Variants in THSD4 observed in about 807,000 individuals in gnomAD.
THSD4 encodes the protein thrombospondin type-1 domain-containing protein 4.
In THSD4, 69 loss-of-function variants were observed where a neutral mutation model predicts 119.0. That is an observed-to-expected ratio of 0.58 (90% confidence interval 0.48 to 0.71). The LOEUF (loss-of-function observed/expected upper bound fraction) is 0.71. Ranked by LOEUF, THSD4 falls within the 30% of genes least tolerant of loss-of-function variation. The pLI is 0.00. For synonymous variants in THSD4, 524 were observed against 540.4 expected (o/e 0.97, Z 0.42); for missense variants, 1,393 against 1,391.1 (o/e 1.00, Z -0.02).
At chr15:71,456,091 G>A (rs928869637) in intron 7 of THSD4, among the ~76,000 whole-genome samples, 5 of 152,190 alleles carry the variant, frequency 3.3e-5, no homozygotes, top group Admixed American at 1.3e-4. Flanking sequence ...TTATTTTGCG[G>A]TGTTTGCTTT....
chr15:71,504,429 G>A (rs1426630291), intron 7 of THSD4, among the ~76,000 whole-genome samples: 1 of 152,172 alleles, frequency 6.6e-6, no homozygotes, highest in African/African-American at 2.4e-5. Flanking sequence ...GAAGTCAGGT[G>A]ACCTTAGAAG....
At chr15:71,142,262 C>T (rs2040612017) in intron 2 of THSD4, among the ~76,000 whole-genome samples, 1 of 152,060 alleles carries the variant, frequency 6.6e-6, no homozygotes, top group Non-Finnish European at 1.5e-5. Context: ...ACTATTATCC[C>T]TTTTGTGTAG....
At chr15:71,340,861 A>G (rs1220109468) in intron 6 of THSD4, among the ~76,000 whole-genome samples, 1 of 151,958 alleles carries the variant, frequency 6.6e-6, no homozygotes, top group Admixed American at 6.6e-5. Context: ...CTGCCTCCCA[A>G]AGTCCTAGGA....
intron 3 of THSD4, among the ~76,000 whole-genome samples, chr15:71,166,126 T>C (rs538753136): frequency 6.6e-6 from 1 of 152,174 alleles, no homozygotes; most frequent in African/African-American, 2.4e-5. Context: ...TTCACAGGGT[T>C]TCCCCACTGT....
intron 3 of THSD4, among the ~76,000 whole-genome samples, chr15:71,171,174 C>T (rs1251447076): frequency 6.6e-6 from 1 of 151,106 alleles, no homozygotes; most frequent in African/African-American, 2.4e-5. Flanking sequence ...ACTATGAATC[C>T]AAGAATGTCA....
At chr15:71,110,002 G>A (rs992117964) in intron 1 of THSD4, among the ~76,000 whole-genome samples, 4 of 152,190 alleles carry the variant, frequency 2.6e-5, no homozygotes, top group Non-Finnish European at 4.4e-5. Flanking sequence ...CAAGAAAGCC[G>A]GTTTGCTGAA....
rs114864457 is a variant in THSD4, at chr15:71,479,264, G to A, written c.1152+67441G>A. Among the ~76,000 whole-genome samples, 292 of 137,224 alleles carry A rather than the reference G, an allele frequency of 2.1e-3. 2 individuals carry two copies. The highest frequency in any genetic ancestry group is 7.4e-3 in the African/African-American group (269 of 36,446). The allele number at this position is 137,224 out of a possible 152,430, so 90.0% of individuals were successfully genotyped here. A position where few individuals can be genotyped will look rare whatever the true frequency, so the allele number is the denominator to read the frequency against. On this transcript the variant is annotated intron_variant, in intron 7 of 17. Coordinates refer to ENST00000261862, the MANE Select transcript of THSD4 (RefSeq NM_024817.3). ...GTACTAGATGGACATATTTTGCACC[G>A]ATTCCCATTAGGCTTAAATAACATT... is the stretch of plus-strand genomic sequence containing the variant.
At chr15:71,484,692 A>C (rs2047787918) in intron 7 of THSD4, among the ~76,000 whole-genome samples, 1 of 152,178 alleles carries the variant, frequency 6.6e-6, no homozygotes, top group African/African-American at 2.4e-5. Context: ...CTGTGAGTTT[A>C]TTAACCCCCA....
At chr15:71,711,264 A>C (rs2141092213) in intron 8 of THSD4, among the ~76,000 whole-genome samples, 2 of 152,102 alleles carry the variant, frequency 1.3e-5, no homozygotes, top group South Asian at 4.1e-4. Context: ...GGTTCACGGA[A>C]AAACCGAAGG....
chr15:71,146,469 G>A (rs1269551569), intron 2 of THSD4, among the ~76,000 whole-genome samples: 2 of 147,582 alleles, frequency 1.4e-5, no homozygotes, highest in African/African-American at 2.5e-5. Context: ...TTTAATCTTG[G>A]CTGCTTGCCT....
rs1329703759 is a variant in THSD4, at chr15:71,781,126, T to A, written c.*3752T>A. 1.1e-5 allele frequency: 2 copies of A among 189,766 alleles called. No individual in the cohort carries two copies. Among genetic ancestry groups the A allele is most frequent in the Admixed American group, 5.5e-5 (1 of 18,256 alleles). 11.8% of individuals were successfully genotyped at this position (189,766 alleles called of 1,614,324 possible). A position where few individuals can be genotyped will look rare whatever the true frequency, so the allele number is the denominator to read the frequency against. ...CCTTGCCATATAAAACATTTTAATATGGTTTACATGGGAAAATATCGATGG... is the reference window on the plus strand; with the variant it reads ...CCTTGCCATATAAAACATTTTAATAAGGTTTACATGGGAAAATATCGATGG... On this transcript the variant is annotated 3_prime_UTR_variant, in exon 18 of 18. Coordinates refer to ENST00000261862, the MANE Select transcript of THSD4 (RefSeq NM_024817.3).
chr15:71,139,532 G>C (rs4542615), intron 1 of THSD4, among the ~76,000 whole-genome samples: 3 of 152,164 alleles, frequency 2.0e-5, no homozygotes, highest in Non-Finnish European at 2.9e-5. Flanking sequence ...ATTTCTGACT[G>C]AGAGCCAAGA....
chr15:71,366,662 A>G (rs977785537), intron 6 of THSD4, among the ~76,000 whole-genome samples: 1 of 152,086 alleles, frequency 6.6e-6, no homozygotes, highest in Admixed American at 6.6e-5. Flanking sequence ...TTTCAAATCA[A>G]TGCAGTCTGG....
intron 7 of THSD4, among the ~76,000 whole-genome samples, chr15:71,572,335 A>T (rs1199691987): frequency 6.6e-6 from 1 of 152,208 alleles, no homozygotes; most frequent in Non-Finnish European, 1.5e-5. Flanking sequence ...TGGGTGAAGC[A>T]ATTATTTTAA....
chr15:71,722,791 T>C (rs555408600), intron 8 of THSD4, among the ~76,000 whole-genome samples: 1 of 152,210 alleles, frequency 6.6e-6, no homozygotes, highest in African/African-American at 2.4e-5. Context: ...TAAACCCCAG[T>C]TCCTGTCCCA....
At chr15:71,452,088 C>T (rs1368759146) in intron 7 of THSD4, among the ~76,000 whole-genome samples, 3 of 152,182 alleles carry the variant, frequency 2.0e-5, no homozygotes, top group African/African-American at 7.2e-5. Context: ...TCACAGGCTC[C>T]CCTGCATCCC....
chr15:71,716,894 C>G (rs2052621958), intron 8 of THSD4, among the ~76,000 whole-genome samples: 1 of 152,134 alleles, frequency 6.6e-6, no homozygotes, highest in African/African-American at 2.4e-5. Context: ...ATGAGGTCAC[C>G]AAAGATGTTT....
intron 6 of THSD4, among the ~76,000 whole-genome samples, chr15:71,363,615 A>G (rs779992639): frequency 7.2e-5 from 11 of 152,258 alleles, no homozygotes; most frequent in Non-Finnish European, 1.5e-4. Context: ...CAAAATGAAC[A>G]TGCGTCAAAG....
At chr15:71,542,702 C>T (rs907130329) in intron 7 of THSD4, among the ~76,000 whole-genome samples, 6 of 151,720 alleles carry the variant, frequency 4.0e-5, no homozygotes, top group Non-Finnish European at 8.8e-5. Context: ...ATGGTGAAAC[C>T]CCATCTCTAC....
Sources: gnomAD v4.1 joint callset for allele counts (sites outside exome capture counted in the v4.1 genomes callset) on GRCh38, gnomAD v4.1.1 for gene constraint, MANE v1.5 for transcripts, NCBI Gene and HGNC (gene_info 2026-07-23, HGNC 2026-07-21) for gene names.